Variants in PPFIA2 observed in about 807,000 individuals in gnomAD.
The protein encoded by PPFIA2 is PPFI scaffold protein A2.
PPFIA2 carries 46 observed loss-of-function variants against 175.5 expected under a neutral mutation model. The ratio of observed to expected loss-of-function variants is 0.26; its 90% CI spans 0.21 to 0.34. The LOEUF is 0.34. PPFIA2 is among the 10% of genes least tolerant of loss of function. The pLI, the probability that PPFIA2 is intolerant of heterozygous loss-of-function variation, is 1.00. For synonymous variants in PPFIA2, 568 were observed against 511.4 expected, an observed-to-expected ratio of 1.11 and a Z score of -1.49; for missense variants, 1,179 against 1,506.1, an observed-to-expected ratio of 0.78 and a Z score of 3.60.
chr12:81,493,155 T>C (rs2059599006), intron 4 of PPFIA2, among the ~76,000 whole-genome samples: 1 of 152,088 alleles, frequency 6.6e-6, no homozygotes, highest in African/African-American at 2.4e-5. Context: ...TAAATTGAGA[T>C]GTCAATTAGA....
At chr12:81,495,976 A>T (rs184735213) in intron 4 of PPFIA2, among the ~76,000 whole-genome samples, 15 of 152,220 alleles carry the variant, frequency 9.9e-5, no homozygotes, top group Non-Finnish European at 1.9e-4. Flanking sequence ...TTTTATTGGC[A>T]ATATATAGTA....
At chr12:81,555,222 C>A (rs763488333) in intron 4 of PPFIA2, among the ~76,000 whole-genome samples, 1 of 151,866 alleles carries the variant, frequency 6.6e-6, no homozygotes, top group Non-Finnish European at 1.5e-5. Flanking sequence ...TATTTGACAA[C>A]CTTTTTAATA....
intron 4 of PPFIA2, among the ~76,000 whole-genome samples, chr12:81,651,485 C>T (rs756135821): frequency 1.3e-5 from 2 of 151,916 alleles, no homozygotes; most frequent in African/African-American, 2.4e-5. Flanking sequence ...CTTAAACATG[C>T]TATTTTCTTT....
At chr12:81,553,018 C>T (rs1018471994) in intron 4 of PPFIA2, among the ~76,000 whole-genome samples, 12 of 151,334 alleles carry the variant, frequency 7.9e-5, no homozygotes, top group African/African-American at 2.4e-4. Flanking sequence ...AATCAAAGAC[C>T]GATTTTTTTT....
intron 17 of PPFIA2, 71 bp from the exon 18 acceptor site, chr12:81,347,841 C>T: frequency 6.5e-7 from 1 of 1,541,318 alleles, no homozygotes; most frequent in African/African-American, 1.4e-5. Flanking sequence ...CTGTAAGGAT[C>T]ATTGGAATTC....
intron 7 of PPFIA2, among the ~76,000 whole-genome samples, chr12:81,422,374 T>C (rs1275776915): frequency 1.3e-5 from 2 of 152,080 alleles, no homozygotes; most frequent in Non-Finnish European, 1.5e-5. Context: ...CCCTGCTGCA[T>C]GACTACTTTT....
intron 4 of PPFIA2, among the ~76,000 whole-genome samples, chr12:81,643,932 A>G (rs2065699505): frequency 6.6e-6 from 1 of 151,966 alleles, no homozygotes; most frequent in Admixed American, 6.6e-5. Context: ...TAAAAGAGGA[A>G]TAGCAACAAA....
intron 4 of PPFIA2, among the ~76,000 whole-genome samples, chr12:81,552,899 G>A (rs895204815): frequency 2.6e-5 from 4 of 152,024 alleles, no homozygotes; most frequent in East Asian, 3.9e-4. Flanking sequence ...GAAACAAGTA[G>A]TTGTAATGTA....
At position 81,440,181 on chromosome 12, in the gene PPFIA2, A is replaced by G; in HGVS notation, c.571-135T>C. ...GTATTTATATCCCTGCGTGCTCAGA[A>G]TACTAAATCTGGCAGAAATACAATG... On this transcript the variant is annotated intron_variant, in intron 6 of 32. Coordinates refer to ENST00000549396, the MANE Select transcript of PPFIA2 (RefSeq NM_003625.5). 6 of 547,228 alleles carry G rather than the reference A, an allele frequency of 1.1e-5. 1 individual carries two copies. The South Asian group carries it at 1.1e-4, about 10-fold the overall frequency. 33.9% of individuals were successfully genotyped at this position (547,228 alleles called of 1,614,324 possible).
intron 8 of PPFIA2, among the ~76,000 whole-genome samples, chr12:81,401,925 G>A (rs993021283): frequency 3.3e-5 from 5 of 152,074 alleles, no homozygotes; most frequent in South Asian, 4.2e-4. Context: ...ATTTAAATTC[G>A]TTTCAGTTAA....
chr12:81,373,406 G>C (rs1284873509), intron 11 of PPFIA2, among the ~76,000 whole-genome samples: 3 of 151,732 alleles, frequency 2.0e-5, no homozygotes, highest in African/African-American at 7.3e-5. Flanking sequence ...GAAATAATAT[G>C]AACATGTTTA....
At chr12:81,467,817 CA>C (rs1374146846) in intron 4 of PPFIA2, among the ~76,000 whole-genome samples, 1 of 152,164 alleles carries the variant, frequency 6.6e-6, no homozygotes, top group East Asian at 1.9e-4. Flanking sequence ...CAGCTGCCTA[CA>C]AGTCTGACCA....
chr12:81,348,291 G>T (rs991289957), intron 17 of PPFIA2, among the ~76,000 whole-genome samples: 2 of 152,000 alleles, frequency 1.3e-5, no homozygotes, highest in Admixed American at 6.6e-5. Flanking sequence ...TCAGTAAATG[G>T]TCATTCATAA....
At chr12:81,577,858 G>T (rs1199347860) in intron 4 of PPFIA2, among the ~76,000 whole-genome samples, 2 of 151,704 alleles carry the variant, frequency 1.3e-5, no homozygotes, top group African/African-American at 4.8e-5. Flanking sequence ...AAAATTTAGT[G>T]GCTTATGGCA....
intron 4 of PPFIA2, among the ~76,000 whole-genome samples, chr12:81,609,463 G>T (rs1356432663): frequency 6.6e-6 from 1 of 152,040 alleles, no homozygotes; most frequent in Non-Finnish European, 1.5e-5. Context: ...CTCCAATGTT[G>T]GGTATGTATA....
At chr12:81,462,824 G>A (rs191598567) in intron 4 of PPFIA2, among the ~76,000 whole-genome samples, 1 of 151,888 alleles carries the variant, frequency 6.6e-6, no homozygotes, top group East Asian at 1.9e-4. Flanking sequence ...ATATGCACCT[G>A]AGAGAAAATG....
At chr12:81,365,984 C>CCCTCCCTCCCTT in intron 14 of PPFIA2, among the ~76,000 whole-genome samples, 1 of 42,078 alleles carries the variant, frequency 2.4e-5, no homozygotes, top group East Asian at 1.3e-3. Flanking sequence ...CTCCCTCCCT[C>CCCTCCCTCCCTT]CCTTCCTTCC....
chr12:81,266,088 G>A (rs1227399089), intron 30 of PPFIA2, among the ~76,000 whole-genome samples: 1 of 152,112 alleles, frequency 6.6e-6, no homozygotes, highest in African/African-American at 2.4e-5. Context: ...ATAATACCAA[G>A]ATTATCTGTC....
intron 4 of PPFIA2, among the ~76,000 whole-genome samples, chr12:81,499,492 A>G (rs535857280): frequency 6.6e-6 from 1 of 152,262 alleles, no homozygotes; most frequent in Admixed American, 6.5e-5. Context: ...AATAATAATT[A>G]TATTTTTGAG....
Sources: allele counts gnomAD v4.1 joint callset (sites outside exome capture counted in the v4.1 genomes callset), GRCh38; gene constraint gnomAD v4.1.1; transcripts MANE v1.5; gene names NCBI Gene and HGNC (gene_info 2026-07-23, HGNC 2026-07-21).